KALRN: variants seen among roughly 807,000 people sequenced by gnomAD.
KALRN encodes kalirin.
Under a neutral mutation model 353.7 loss-of-function variants are expected in KALRN, and 70 were observed. That is an observed-to-expected ratio of 0.20 (90% CI 0.16 to 0.24). KALRN has a LOEUF of 0.24. Among genes scored for constraint, KALRN ranks in the 10% least tolerant of loss-of-function variants. The pLI, the probability that KALRN is intolerant of heterozygous loss-of-function variation, is 1.00. For missense variants in KALRN, 2,791 were observed against 3,756.7 expected (o/e 0.74, Z 6.72); for synonymous variants, 1,391 against 1,434.8 (o/e 0.97, Z 0.69).
At position 124,533,600 on chromosome 3, in the gene KALRN, G is replaced by A. The variant is rs140330324; in HGVS notation, c.4936-29243G>A. Among the ~76,000 whole-genome samples the A allele has an allele frequency of 4.6e-5, 7 of 152,218 alleles. No individual in the cohort carries two copies. The East Asian group carries it at 9.7e-4, about 21-fold the overall frequency. On this transcript the variant is annotated intron_variant, in intron 33 of 59. Transcript: ENST00000682506. ...GTTGAGGCTGCAGTGAGCCAAGATCGCACCACTGCACTCCAGCCCGGGTGA... is the reference window on the plus strand; with the variant it reads ...GTTGAGGCTGCAGTGAGCCAAGATCACACCACTGCACTCCAGCCCGGGTGA...
intron 5 of KALRN, among the ~76,000 whole-genome samples, chr3:124,282,103 C>G (rs2075397643): frequency 6.6e-6 from 1 of 152,102 alleles, no homozygotes; most frequent in Admixed American, 6.5e-5. Flanking sequence ...AGGGAAGGGA[C>G]AAACCCTCGA....
At chr3:124,650,520 C>T (rs115413196) in intron 37 of KALRN, among the ~76,000 whole-genome samples, 256 of 152,276 alleles carry the variant, frequency 1.7e-3, no homozygotes, top group Middle Eastern at 6.8e-3. Context: ...TTAGCATTAC[C>T]TCTGGAGCTC....
chr3:124,443,576 C>T (rs2093736451), intron 19 of KALRN, among the ~76,000 whole-genome samples: 1 of 152,168 alleles, frequency 6.6e-6, no homozygotes, highest in Non-Finnish European at 1.5e-5. Context: ...TCACTTCTTC[C>T]AGCACATTTG....
chr3:124,366,990 G>T (rs1278014384), intron 10 of KALRN, among the ~76,000 whole-genome samples: 1 of 141,118 alleles, frequency 7.1e-6, no homozygotes, highest in Non-Finnish European at 1.5e-5. Flanking sequence ...CCCGGACGGG[G>T]CGGCTGGCCG....
intron 33 of KALRN, among the ~76,000 whole-genome samples, chr3:124,552,492 G>A (rs1315303812): frequency 6.6e-6 from 1 of 152,190 alleles, no homozygotes; most frequent in Admixed American, 6.5e-5. Context: ...TACAACCACA[G>A]TGTAAATAAA....
chr3:124,206,113 T>C lies in KALRN; in HGVS notation c.74-21877T>C, dbSNP rs142613112. On this transcript the variant is annotated intron_variant, in intron 1 of 59. Transcript: ENST00000682506. Reference sequence around the variant, plus strand: ...TCCCTGCTTATTGGTCAGCATAGGTTGATGGCTGTAATAACCAGTAAGTAT... The same window carrying C: ...TCCCTGCTTATTGGTCAGCATAGGTCGATGGCTGTAATAACCAGTAAGTAT... Among the ~76,000 whole-genome samples the C allele has an allele frequency of 3.9e-5, 6 of 152,304 alleles. No individual in the cohort carries two copies. In the East Asian group the frequency reaches 1.2e-3, roughly 29 times the overall value.
chr3:124,584,656 G>C, intron 34 of KALRN: 4 of 1,412,240 alleles, frequency 2.8e-6, no homozygotes, highest in Non-Finnish European at 3.7e-6. Flanking sequence ...TCCCAAGGTG[G>C]CAGTGGCTCC....
intron 34 of KALRN, among the ~76,000 whole-genome samples, chr3:124,565,338 A>G (rs2072673386): frequency 6.6e-6 from 1 of 152,226 alleles, no homozygotes; most frequent in Non-Finnish European, 1.5e-5. Flanking sequence ...TGCAGGCACA[A>G]GAGGAAAATC....
intron 33 of KALRN, chr3:124,519,682 A>G: frequency 4.1e-6 from 4 of 985,408 alleles, no homozygotes; most frequent in Non-Finnish European, 4.8e-6. Context: ...CTCAATGCAA[A>G]GTGTCATTCT....
At chr3:124,213,267 C>T (rs992005065) in intron 1 of KALRN, among the ~76,000 whole-genome samples, 3 of 152,042 alleles carry the variant, frequency 2.0e-5, no homozygotes, top group East Asian at 1.9e-4. Flanking sequence ...TTTTTCTTTT[C>T]CAAATATTCA....
chr3:124,492,243 C>T (rs1192324589), intron 31 of KALRN, among the ~76,000 whole-genome samples: 1 of 152,190 alleles, frequency 6.6e-6, no homozygotes, highest in Non-Finnish European at 1.5e-5. Context: ...ATAGCAGTGC[C>T]TTTAGTTAAC....
intron 33 of KALRN, among the ~76,000 whole-genome samples, chr3:124,510,272 C>T (rs546863978): frequency 5.3e-5 from 8 of 152,224 alleles, no homozygotes; most frequent in African/African-American, 1.7e-4. Flanking sequence ...AGGCAAGATT[C>T]GTGTTGGGAG....
chr3:124,565,749 C>T (rs1277241496), intron 34 of KALRN, among the ~76,000 whole-genome samples: 1 of 152,192 alleles, frequency 6.6e-6, no homozygotes, highest in African/African-American at 2.4e-5. Flanking sequence ...CACTCCCTCC[C>T]TGCTGGGGCT....
At chr3:124,462,688 C>A in intron 25 of KALRN, 55 bp downstream of exon 25, 1 of 1,015,164 alleles carries the variant, frequency 9.9e-7, no homozygotes, top group Non-Finnish European at 1.5e-6. Flanking sequence ...AACCAGACAA[C>A]AGGGTTCCCA....
intron 1 of KALRN, among the ~76,000 whole-genome samples, chr3:124,171,228 T>C (rs1288199912): frequency 6.6e-6 from 1 of 152,198 alleles, no homozygotes; most frequent in Non-Finnish European, 1.5e-5. Context: ...ACTATTTGCT[T>C]ACTGGCTTAG....
chr3:124,324,447 G>A (rs1289955440), intron 6 of KALRN, among the ~76,000 whole-genome samples: 1 of 152,142 alleles, frequency 6.6e-6, no homozygotes, highest in Non-Finnish European at 1.5e-5. Flanking sequence ...TAGAATTTGT[G>A]TCCTAACTCA....
At chr3:124,700,174 A>G in intron 56 of KALRN, 141 bp downstream of exon 56, 2 of 809,120 alleles carry the variant, frequency 2.5e-6, no homozygotes, top group Non-Finnish European at 3.9e-6. Context: ...TGTTTCTGTA[A>G]AGTATAGCTC....
At chr3:124,667,569 T>C (rs2085800982) in intron 47 of KALRN, among the ~76,000 whole-genome samples, 2 of 152,240 alleles carry the variant, frequency 1.3e-5, no homozygotes, top group African/African-American at 4.8e-5. Context: ...TAGTGTTAAC[T>C]AGAGATAAAT....
intron 33 of KALRN, among the ~76,000 whole-genome samples, chr3:124,514,238 C>T (rs545895): frequency 0.7 from 106,443 of 151,718 alleles, 39,119 homozygotes; most frequent in East Asian, 0.93. Context: ...TCACAGAGTT[C>T]CTCTGTAGGT....
Sources: gnomAD v4.1 joint callset for allele counts (sites outside exome capture counted in the v4.1 genomes callset) on GRCh38, gnomAD v4.1.1 for gene constraint, MANE v1.5 for transcripts, NCBI Gene and HGNC (gene_info 2026-07-23, HGNC 2026-07-21) for gene names.